PTPRN2: variants seen among roughly 807,000 people sequenced by gnomAD.
The protein encoded by PTPRN2 is protein tyrosine phosphatase receptor type N2.
In PTPRN2, 74 loss-of-function variants were observed where a neutral mutation model predicts 118.8. The observed-to-expected ratio is 0.62, with a 90% CI of 0.52 to 0.76. The LOEUF (loss-of-function observed/expected upper bound fraction) is 0.76. PTPRN2 is among the 30% of genes least tolerant of loss of function. PTPRN2 has a pLI of 0.00. For missense variants in PTPRN2, 1,481 were observed against 1,394.4 expected, an observed-to-expected ratio of 1.06 and a Z score of -0.99; for synonymous variants, 641 against 608.0, an observed-to-expected ratio of 1.05 and a Z score of -0.80.
chr7:158,226,770 G>A (rs1042321562), intron 3 of PTPRN2, among the ~76,000 whole-genome samples: 4 of 150,884 alleles, frequency 2.7e-5, no homozygotes, highest in Non-Finnish European at 5.9e-5. Flanking sequence ...TACCCTAATC[G>A]CGTGGGAGCC....
chr7:157,782,045 C>T (rs375828671), intron 12 of PTPRN2, among the ~76,000 whole-genome samples: 4 of 152,322 alleles, frequency 2.6e-5, no homozygotes, highest in African/African-American at 4.8e-5. Context: ...GGTATGGCCT[C>T]GCCTATGCTA....
intron 12 of PTPRN2, among the ~76,000 whole-genome samples, chr7:157,691,075 C>CA (rs917300090): frequency 5.1e-5 from 6 of 117,940 alleles, no homozygotes; most frequent in South Asian, 2.8e-4. Flanking sequence ...TGTCCCCCCC[C>CA]CCCCCCACAT....
At chr7:158,116,382 T>A (rs550242321) in intron 9 of PTPRN2, among the ~76,000 whole-genome samples, 1 of 152,370 alleles carries the variant, frequency 6.6e-6, no homozygotes, top group East Asian at 1.9e-4. Flanking sequence ...CCTTGAACTC[T>A]GAAGCCTAAT....
chr7:158,402,315 TG>T (rs1474478395), intron 2 of PTPRN2, among the ~76,000 whole-genome samples: 3 of 152,192 alleles, frequency 2.0e-5, no homozygotes, highest in Admixed American at 1.3e-4. Flanking sequence ...ATTGGAAATC[TG>T]GGGGTACAAC....
chr7:158,480,473 C>A (rs1415039314), intron 2 of PTPRN2, among the ~76,000 whole-genome samples: 1 of 152,220 alleles, frequency 6.6e-6, no homozygotes, highest in Non-Finnish European at 1.5e-5. Context: ...AGCAACCCTA[C>A]AGTGGCCTCT....
At chr7:157,993,330 A>T (rs988217642) in intron 11 of PTPRN2, among the ~76,000 whole-genome samples, 2 of 139,652 alleles carry the variant, frequency 1.4e-5, no homozygotes, top group South Asian at 2.2e-4. Flanking sequence ...TTATGAAATT[A>T]AAAAAAAAAA....
chr7:157,563,201 C>CGCGTCACCACACACAGCAG lies in PTPRN2; in HGVS notation c.2902+5700_2902+5701insCTGCTGTGTGTGGTGACGC, dbSNP rs1799294991. On this transcript the variant is annotated intron_variant, in intron 21 of 22. Coordinates refer to ENST00000389418, the MANE Select transcript of PTPRN2 (RefSeq NM_002847.5). ...ACAGCAGATCAGGACCACGTGCTCC[C>CGCGTCACCACACACAGCAG]ATGTCACCACACACAGCAGAGCAGG... Among the ~76,000 whole-genome samples, 2 of 129,232 alleles carry CGCGTCACCACACACAGCAG rather than the reference C, an allele frequency of 1.5e-5. 1 individual carries two copies. Among genetic ancestry groups the CGCGTCACCACACACAGCAG allele is most frequent in the Non-Finnish European group, 3.4e-5 (2 of 59,634 alleles). 84.8% of individuals were successfully genotyped at this position (129,232 alleles called of 152,430 possible). A position where few individuals can be genotyped will look rare whatever the true frequency, so the allele number is the denominator to read the frequency against.
At position 158,413,139 on chromosome 7, in the gene PTPRN2, C is replaced by A. The variant is rs1176690854; in HGVS notation, c.163+76596G>T. ...CCTCAGCTCCAGGACCCATCCAGCGCCCTCCTCAACATGGCTCCCTTCCCT... is the reference window on the plus strand; with the variant it reads ...CCTCAGCTCCAGGACCCATCCAGCGACCTCCTCAACATGGCTCCCTTCCCT... On this transcript the variant is annotated intron_variant, in intron 2 of 22. Transcript: ENST00000389418. 2.6e-5 allele frequency among the ~76,000 whole-genome samples: 4 copies of A among 152,194 alleles called. No individual in the cohort carries two copies. The South Asian group carries it at 6.2e-4, about 24-fold the overall frequency.
rs189257664 is a variant in PTPRN2 at position 157,577,283 on chromosome 7, G to T, written c.2617-504C>A. On this transcript the variant is annotated intron_variant, in intron 18 of 22. Coordinates refer to ENST00000389418, the MANE Select transcript of PTPRN2 (RefSeq NM_002847.5). The stretch of plus-strand genomic sequence containing the variant: ...TGAACCCCAGCGCAGGCACTTCCGG[G>T]CCTAAGCGTTTCTGCAGGAACCCCA... 3.3e-5 allele frequency among the ~76,000 whole-genome samples: 5 copies of T among 152,254 alleles called. 1 individual carries two copies. Among genetic ancestry groups the T allele is most frequent in the African/African-American group, 1.2e-4 (5 of 41,542 alleles).
intron 3 of PTPRN2, among the ~76,000 whole-genome samples, chr7:158,279,104 A>G (rs1443241563): frequency 6.6e-6 from 1 of 152,128 alleles, no homozygotes; most frequent in East Asian, 1.9e-4. Context: ...ATGGGACCCA[A>G]CCGGTTTGCT....
Position 158,138,484 on chromosome 7 carries a change from C to T in PTPRN2, c.942G>A (p.Leu314=). Residue 314 remains leucine, a synonymous_variant, in exon 7 of 23, where the codon CTG becomes CTA. Coordinates refer to ENST00000389418, the MANE Select transcript of PTPRN2 (RefSeq NM_002847.5). ...GARIHTLLKD[L]QRQPAEVRGL... ...CCCTCACCTCAGCCGGCTGCCTCTG[C>T]AGGTCCTTCAGGAGGGTATGAATCC... The T allele has an allele frequency of 6.2e-7, 1 of 1,612,700 alleles. No individual in the cohort carries two copies. Among genetic ancestry groups the T allele is most frequent in the Non-Finnish European group, 8.5e-7 (1 of 1,180,028 alleles).
chr7:158,396,917 T>A (rs1812561044), intron 2 of PTPRN2, among the ~76,000 whole-genome samples: 1 of 152,202 alleles, frequency 6.6e-6, no homozygotes, highest in Non-Finnish European at 1.5e-5. Flanking sequence ...AAGGAAAAAG[T>A]ACACGAGCTT....
At chr7:158,091,405 T>C (rs1206893993) in intron 10 of PTPRN2, among the ~76,000 whole-genome samples, 7 of 152,256 alleles carry the variant, frequency 4.6e-5, no homozygotes, top group Non-Finnish European at 8.8e-5. Context: ...TCTTTTCAAC[T>C]GGTGAATTTT....
intron 1 of PTPRN2, among the ~76,000 whole-genome samples, chr7:158,506,951 C>T (rs1041873328): frequency 7.9e-5 from 12 of 152,296 alleles, no homozygotes; most frequent in Middle Eastern, 3.4e-3. Context: ...CGCTCTGGTT[C>T]GGGGTGGTTT....
At chr7:158,494,271 A>C (rs1821666742) in intron 1 of PTPRN2, among the ~76,000 whole-genome samples, 1 of 152,210 alleles carries the variant, frequency 6.6e-6, no homozygotes, top group African/African-American at 2.4e-5. Flanking sequence ...CAAGGCAGAC[A>C]TGGCCTAAAA....
chr7:158,082,839 T>C (rs1812938656), intron 10 of PTPRN2, among the ~76,000 whole-genome samples: 1 of 152,188 alleles, frequency 6.6e-6, no homozygotes, highest in Non-Finnish European at 1.5e-5. Context: ...ATGCAAAATG[T>C]CCTTGGAAGC....
At chr7:158,327,412 CAT>C (rs1467540254) in intron 2 of PTPRN2, among the ~76,000 whole-genome samples, 2 of 152,168 alleles carry the variant, frequency 1.3e-5, no homozygotes, top group East Asian at 3.9e-4. Context: ...CATGCTCACA[CAT>C]GTACACGTTC....
intron 16 of PTPRN2, among the ~76,000 whole-genome samples, chr7:157,601,112 C>T (rs1325329266): frequency 2.0e-5 from 3 of 152,182 alleles, no homozygotes; most frequent in African/African-American, 4.8e-5. Context: ...CAGTAATAAT[C>T]AGGCTGTTTT....
At position 158,106,027 on chromosome 7, in the gene PTPRN2, G is replaced by C. The variant is rs191279220; in HGVS notation, c.1643+4802C>G. On this transcript the variant is annotated intron_variant, in intron 10 of 22. Transcript: ENST00000389418. The stretch of plus-strand genomic sequence containing the variant: ...TGAATTCCATCCCCATCTCTCTTCT[G>C]TTTTATTCCCAGCTCCTTCCATCTC... Among the ~76,000 whole-genome samples the C allele has an allele frequency of 3.3e-5, 5 of 151,542 alleles. No homozygotes were observed. In the East Asian group the frequency reaches 9.8e-4, roughly 30 times the overall value.
Sources: allele counts gnomAD v4.1 joint callset (sites outside exome capture counted in the v4.1 genomes callset), GRCh38; gene constraint gnomAD v4.1.1; transcripts MANE v1.5; gene names NCBI Gene and HGNC (gene_info 2026-07-23, HGNC 2026-07-21).